The following GABRA4 variants were observed in gnomAD, a reference collection of about 807,000 sequenced individuals.
The protein encoded by GABRA4 is gamma-aminobutyric acid type A receptor subunit alpha4.
A neutral mutation model predicts 49.7 loss-of-function variants in GABRA4; 12 were observed. That is an observed-to-expected ratio of 0.24 (90% CI 0.15 to 0.39). GABRA4 has a LOEUF of 0.39. Ranked by LOEUF, GABRA4 falls within the 10% of genes least tolerant of loss-of-function variation. The pLI is 1.00. For synonymous variants in GABRA4, 288 were observed against 240.2 expected (o/e 1.20, Z -1.84); for missense variants, 506 against 686.0 (o/e 0.74, Z 2.93).
chr4:46,989,833 TC>T (rs1288676053), intron 2 of GABRA4, among the ~76,000 whole-genome samples: 7 of 152,216 alleles, frequency 4.6e-5, no homozygotes, highest in Non-Finnish European at 5.9e-5. Flanking sequence ...CTAGTCAAAA[TC>T]TGGATTGTTT....
intron 2 of GABRA4, among the ~76,000 whole-genome samples, chr4:46,991,197 A>C (rs998122579): frequency 2.0e-5 from 3 of 152,160 alleles, no homozygotes; most frequent in African/African-American, 4.8e-5. Flanking sequence ...AAGAAAAAAA[A>C]AGAAATATAC....
chr4:46,951,499 T>C (rs768680203), intron 8 of GABRA4, among the ~76,000 whole-genome samples: 48 of 151,856 alleles, frequency 3.2e-4, no homozygotes, highest in Non-Finnish European at 5.6e-4. Flanking sequence ...ACGCTGGAGA[T>C]AGTAATATTC....
chr4:46,958,932 T>C (rs1034301130), intron 8 of GABRA4, among the ~76,000 whole-genome samples: 3 of 151,966 alleles, frequency 2.0e-5, no homozygotes, highest in Non-Finnish European at 2.9e-5. Flanking sequence ...AAACACATTT[T>C]AAGCAAAGGC....
In GABRA4 at chr4:46,973,639, C is replaced by T. The variant is rs150215652; in HGVS notation, c.721+593G>A. On this transcript the variant is annotated intron_variant, in intron 6 of 8. Coordinates refer to ENST00000264318, the MANE Select transcript of GABRA4 (RefSeq NM_000809.4). ...CAGTCTTAGAACAAGCAATAATCAG[C>T]TAATTTTTCCACTAAATATGATTAA... Among the ~76,000 whole-genome samples the T allele has an allele frequency of 8.2e-3, 1,239 of 151,846 alleles. 12 individuals are homozygous for T. Among genetic ancestry groups the T allele is most frequent in the Non-Finnish European group, 0.012 (826 of 67,846 alleles).
At chr4:46,972,546 C>A (rs1016149159) in intron 6 of GABRA4, among the ~76,000 whole-genome samples, 1 of 151,406 alleles carries the variant, frequency 6.6e-6, no homozygotes. Context: ...ACAATCTATG[C>A]CACAAATATA....
chr4:46,974,822 TA>T (rs921156646), intron 5 of GABRA4, among the ~76,000 whole-genome samples: 1 of 151,840 alleles, frequency 6.6e-6, no homozygotes, highest in Non-Finnish European at 1.5e-5. Context: ...AATAATACAA[TA>T]ACAAAACCAA....
chr4:46,989,689 A>G (rs888056373), intron 2 of GABRA4, among the ~76,000 whole-genome samples: 1 of 152,230 alleles, frequency 6.6e-6, no homozygotes, highest in Non-Finnish European at 1.5e-5. Context: ...TCCAATTTCA[A>G]TTCAAATCTT....
At chr4:46,930,261 C>T (rs1346990744) in intron 8 of GABRA4, among the ~76,000 whole-genome samples, 1 of 152,022 alleles carries the variant, frequency 6.6e-6, no homozygotes, top group Non-Finnish European at 1.5e-5. Context: ...TCAAAATTGA[C>T]ATCAACCTGA....
intron 8 of GABRA4, among the ~76,000 whole-genome samples, chr4:46,956,693 A>T (rs948318285): frequency 1.3e-5 from 2 of 152,022 alleles, no homozygotes; most frequent in South Asian, 4.1e-4. Context: ...GCGGCTCACC[A>T]CTTAACATGT....
intron 8 of GABRA4, among the ~76,000 whole-genome samples, chr4:46,954,284 C>A: frequency 6.6e-6 from 1 of 152,076 alleles, no homozygotes; most frequent in South Asian, 2.1e-4. Context: ...GAGCCGGGCA[C>A]AGTGGCTCAT....
intron 8 of GABRA4, among the ~76,000 whole-genome samples, chr4:46,942,668 T>C (rs1577753490): frequency 6.6e-6 from 1 of 151,904 alleles, no homozygotes. Context: ...ACTGTCTCAG[T>C]ATGTAACACT....
At chr4:46,931,143 T>C (rs1320156896) in intron 8 of GABRA4, among the ~76,000 whole-genome samples, 1 of 151,964 alleles carries the variant, frequency 6.6e-6, no homozygotes, top group Non-Finnish European at 1.5e-5. Context: ...GGGTGTGAGG[T>C]AACTACCCAA....
Position 46,922,082 on chromosome 4 carries a change from G to C in GABRA4, c.*6143C>G, listed in dbSNP as rs982520516. On this transcript the variant is annotated 3_prime_UTR_variant, in exon 9 of 9. Coordinates refer to ENST00000264318, the MANE Select transcript of GABRA4 (RefSeq NM_000809.4). ...CCGAATAGTGGAATGTAGAGGTAAA[G>C]ATAAAAATTCTGATAGACTATATTT... 6.6e-6 allele frequency: 1 copy of C among 152,064 alleles called. No homozygotes were observed. The highest frequency in any genetic ancestry group is 1.5e-5 in the Non-Finnish European group (1 of 68,000). 9.4% of individuals were successfully genotyped at this position (152,064 alleles called of 1,614,324 possible).
chr4:46,935,696 A>G (rs1264807210), intron 8 of GABRA4, among the ~76,000 whole-genome samples: 2 of 152,104 alleles, frequency 1.3e-5, no homozygotes, highest in East Asian at 3.9e-4. Flanking sequence ...GAGGGATAGC[A>G]TTGGGAGAAA....
intron 8 of GABRA4, among the ~76,000 whole-genome samples, chr4:46,951,791 T>C (rs1912959): frequency 0.52 from 78,124 of 150,928 alleles, 20,406 homozygotes; most frequent in East Asian, 0.66. Context: ...TATATATGTG[T>C]GTACGTGTGT....
intron 2 of GABRA4, among the ~76,000 whole-genome samples, chr4:46,992,401 A>G (rs1723788212): frequency 6.6e-6 from 1 of 152,204 alleles, no homozygotes; most frequent in African/African-American, 2.4e-5. Context: ...ACATTGGCCA[A>G]GGTTTTGGCA....
chr4:46,936,073 A>ATTCT (rs1321680293), intron 8 of GABRA4, among the ~76,000 whole-genome samples: 1 of 152,156 alleles, frequency 6.6e-6, no homozygotes, highest in Non-Finnish European at 1.5e-5. Flanking sequence ...TTCTTGAGTG[A>ATTCT]TTCTTTTGCA....
At chr4:46,989,141 A>G (rs1723649210) in intron 2 of GABRA4, among the ~76,000 whole-genome samples, 1 of 152,240 alleles carries the variant, frequency 6.6e-6, no homozygotes, top group Non-Finnish European at 1.5e-5. Context: ...ATTCTAGATC[A>G]TATGCCTCAA....
rs573337492 is a variant in GABRA4, at chr4:46,941,637, C to T, written c.1135-12882G>A. ...TACTCAGATATTTGTATTTTTCAAC[C>T]GAACTAAATGATAATAGTGTAACTT... On this transcript the variant is annotated intron_variant, in intron 8 of 8. Transcript: ENST00000264318. Among the ~76,000 whole-genome samples the T allele has an allele frequency of 2.5e-3, 386 of 152,072 alleles. 2 individuals carry two copies. The highest frequency in any genetic ancestry group is 8.8e-3 in the African/African-American group (366 of 41,500).
Sources: gnomAD v4.1 joint callset for allele counts (sites outside exome capture counted in the v4.1 genomes callset) on GRCh38, gnomAD v4.1.1 for gene constraint, MANE v1.5 for transcripts, NCBI Gene and HGNC (gene_info 2026-07-23, HGNC 2026-07-21) for gene names.